The following MDM2 variants were observed in gnomAD, a reference collection of about 807,000 sequenced individuals.
MDM2 encodes E3 ubiquitin-protein ligase Mdm2.
MDM2 carries 11 observed loss-of-function variants against 64.3 expected under a neutral mutation model. The ratio of observed to expected loss-of-function variants is 0.17; its 90% CI spans 0.11 to 0.28. The LOEUF (loss-of-function observed/expected upper bound fraction) is 0.28. Among genes scored for constraint, MDM2 ranks in the 10% least tolerant of loss-of-function variants. MDM2 has a pLI of 1.00. For missense variants in MDM2, 388 were observed against 577.1 expected (o/e 0.67, Z 3.36); for synonymous variants, 194 against 192.9 (o/e 1.01, Z -0.05).
Position 68,840,078 on chromosome 12 carries a change from C to A in MDM2, c.*229C>A. 1 of 468,766 alleles carries A rather than the reference C, an allele frequency of 2.1e-6. No homozygotes were observed. The highest frequency in any genetic ancestry group is 3.7e-6 in the Non-Finnish European group (1 of 268,610). The allele number at this position is 468,766 out of a possible 1,614,324, so 29.0% of individuals were successfully genotyped here. ...ACCAACTCCTAATTTTAAATAATTT[C>A]TACTCTGTCTTAAATGAGAAGTACT... is the stretch of plus-strand genomic sequence containing the variant. On this transcript the variant is annotated 3_prime_UTR_variant, in exon 11 of 11. Transcript: ENST00000258149.
intron 7 of MDM2, among the ~76,000 whole-genome samples, chr12:68,825,761 G>T (rs145420485): frequency 8.9e-4 from 135 of 152,328 alleles, no homozygotes; most frequent in African/African-American, 3.1e-3. Flanking sequence ...AACTAAGACC[G>T]TATGATTCAG....
intron 8 of MDM2, among the ~76,000 whole-genome samples, chr12:68,831,496 G>C (rs575386269): frequency 1.3e-5 from 2 of 152,310 alleles, no homozygotes; most frequent in East Asian, 3.9e-4. Flanking sequence ...CGGCCATGCT[G>C]TTAGGTACCT....
chr12:68,839,467 C>T lies in MDM2; in HGVS notation c.1112C>T (p.Thr371Ile), dbSNP rs1407906280. 9 of 1,613,722 alleles carry T rather than the reference C, an allele frequency of 5.6e-6. No homozygotes were observed. Among genetic ancestry groups the T allele is most frequent in the Non-Finnish European group, 7.6e-6 (9 of 1,180,010 alleles). The change falls in exon 11 of 11, where the codon ACT becomes ATT. Residue 371 changes from threonine to isoleucine, a missense_variant. By Grantham distance (89) the Thr-to-Ile change is moderately conservative (BLOSUM62 -1). Transcript: ENST00000258149. Reference sequence around the variant, plus strand: ...TTTGATGTTCCTGATTGTAAAAAAACTATAGTGAATGATTCCAGAGAGTCA... The same window carrying T: ...TTTGATGTTCCTGATTGTAAAAAAATTATAGTGAATGATTCCAGAGAGTCA... ...EGFDVPDCKKTIVNDSRESCV... is the reference protein window; with the variant it reads ...EGFDVPDCKKIIVNDSRESCV...
In MDM2 at chr12:68,840,835, CTTTTTTTT is replaced by C. The variant is rs60051373; in HGVS notation, c.*1006_*1013del. 186 of 73,946 alleles carry C rather than the reference CTTTTTTTT, an allele frequency of 2.5e-3. 4 individuals carry two copies. The South Asian group carries it at 0.031, about 12-fold the overall frequency. 4.6% of individuals were successfully genotyped at this position (73,946 alleles called of 1,614,324 possible). On this transcript the variant is annotated 3_prime_UTR_variant, in exon 11 of 11. Transcript: ENST00000258149. ...AATTAGTATTTAAATTTTAGATACT[CTTTTTTTT>C]TTTTTTTTTTTTTTTTTTTGAGACA...
Position 68,843,713 on chromosome 12 carries a change from CTCTG to C in MDM2, c.*3872_*3875del, listed in dbSNP as rs1003322227. ...TTGCTTCAAAACTCTCTCTCTCTCT[CTCTG>C]TCTGTCTCAATAAATGGCCAAAGGG... On this transcript the variant is annotated 3_prime_UTR_variant, in exon 11 of 11. Coordinates refer to ENST00000258149, the MANE Select transcript of MDM2 (RefSeq NM_002392.6). 2 of 222,060 alleles carry C rather than the reference CTCTG, an allele frequency of 9.0e-6. No homozygotes were observed. Among genetic ancestry groups the C allele is most frequent in the Admixed American group, 5.8e-5 (1 of 17,382 alleles). The allele number at this position is 222,060 out of a possible 1,614,324, so 13.8% of individuals were successfully genotyped here.
At chr12:68,831,006 T>A (rs1200956936) in intron 8 of MDM2, among the ~76,000 whole-genome samples, 10 of 152,132 alleles carry the variant, frequency 6.6e-5, no homozygotes, top group African/African-American at 2.4e-4. Flanking sequence ...GGACCCCTAT[T>A]TAATGTATAG....
At position 68,840,872 on chromosome 12, in the gene MDM2, T is replaced by G. The variant is rs1883715709; in HGVS notation, c.*1023T>G. 1 of 141,226 alleles carries G rather than the reference T, an allele frequency of 7.1e-6. No homozygotes were observed. The highest frequency in any genetic ancestry group is 1.4e-5 in the Non-Finnish European group (1 of 70,484). 8.7% of individuals were successfully genotyped at this position (141,226 alleles called of 1,614,324 possible). On this transcript the variant is annotated 3_prime_UTR_variant, in exon 11 of 11. Coordinates refer to ENST00000258149, the MANE Select transcript of MDM2 (RefSeq NM_002392.6). ...TTTTTTTTTTTTTTTTGAGACAGAG[T>G]CTTGCTCCATCACCCATGCTAGAGT...
chr12:68,836,024 T>C (rs535744210), intron 9 of MDM2, 40 bp downstream of exon 9: 4 of 1,481,504 alleles, frequency 2.7e-6, no homozygotes, highest in Non-Finnish European at 3.7e-6. Flanking sequence ...TGGAAAATTA[T>C]TAAATATTTT....
intron 2 of MDM2, among the ~76,000 whole-genome samples, chr12:68,812,881 T>C (rs1338951067): frequency 1.3e-5 from 2 of 152,188 alleles, no homozygotes. Flanking sequence ...TCTGGCTCTT[T>C]ACAGAAAAAA....
intron 10 of MDM2, among the ~76,000 whole-genome samples, chr12:68,838,180 C>T (rs909254632): frequency 6.6e-5 from 10 of 152,170 alleles, no homozygotes; most frequent in African/African-American, 2.4e-4. Context: ...ATCTTTATTG[C>T]TCCTGTCTTA....
intron 3 of MDM2, 142 bp from the exon 4 acceptor site, chr12:68,816,670 A>G (rs1881414202): frequency 2.8e-6 from 2 of 723,396 alleles, no homozygotes; most frequent in Non-Finnish European, 4.2e-6. Flanking sequence ...AGTAGCTTCT[A>G]AGTACAAAAT....
chr12:68,812,875 G>GCT (rs1949103095), intron 2 of MDM2, among the ~76,000 whole-genome samples: 1 of 151,940 alleles, frequency 6.6e-6, no homozygotes, highest in African/African-American at 2.4e-5. Flanking sequence ...TTACAGTCTG[G>GCT]CTCTTTACAG....
chr12:68,823,441 C>T (rs1051697891), intron 5 of MDM2, among the ~76,000 whole-genome samples: 1 of 152,168 alleles, frequency 6.6e-6, no homozygotes, highest in African/African-American at 2.4e-5. Context: ...TGGTACCACT[C>T]ATTTATTCAC....
At chr12:68,808,524 G>C in intron 1 of MDM2, 33 bp downstream of exon 1, 1 of 1,613,916 alleles carries the variant, frequency 6.2e-7, no homozygotes, top group Non-Finnish European at 8.5e-7. Context: ...TCACTTTTGG[G>C]TCTGGGCTCT....
At chr12:68,830,637 T>G (rs1248576389) in intron 8 of MDM2, among the ~76,000 whole-genome samples, 1 of 152,134 alleles carries the variant, frequency 6.6e-6, no homozygotes, top group Non-Finnish European at 1.5e-5. Context: ...TGTGATAAAA[T>G]TGAATCCAAT....
At chr12:68,822,964 C>G (rs1453650339) in intron 5 of MDM2, among the ~76,000 whole-genome samples, 1 of 152,164 alleles carries the variant, frequency 6.6e-6, no homozygotes, top group Non-Finnish European at 1.5e-5. Flanking sequence ...TGGTCTCAAA[C>G]TCCTGACCTC....
In MDM2 at chr12:68,835,856, T is replaced by G. The variant is rs751419968; in HGVS notation, c.712T>G (p.Ser238Ala). 6.2e-7 allele frequency: 1 copy of G among 1,613,010 alleles called. No homozygotes were observed. The highest frequency in any genetic ancestry group is 2.2e-5 in the East Asian group (1 of 44,846). ...PDLDAGVSEHSGDWLDQDSVS... is the reference protein window; with the variant it reads ...PDLDAGVSEHAGDWLDQDSVS... ...TCTTGATGCTGGTGTAAGTGAACAT[T>G]CAGGTGATTGGTTGGATCAGGATTC... is the stretch of plus-strand genomic sequence containing the variant. The change falls in exon 9 of 11, where the codon TCA becomes GCA. Residue 238 changes from serine (S) to alanine (A), a missense_variant. By Grantham distance (99) the Ser-to-Ala change is moderately conservative. This residue lies in a region of MDM2 where 168 missense variants were observed against 236.6 expected (regional missense o/e 0.71). Coordinates refer to ENST00000258149, the MANE Select transcript of MDM2 (RefSeq NM_002392.6).
In MDM2 at chr12:68,839,962, A is replaced by G. The variant is rs76738734; in HGVS notation, c.*113A>G. 9.2e-5 allele frequency: 88 copies of G among 960,530 alleles called. 1 individual carries two copies. In the East Asian group the frequency reaches 2.3e-3, roughly 25 times the overall value. The allele number at this position is 960,530 out of a possible 1,614,324, so 59.5% of individuals were successfully genotyped here. On this transcript the variant is annotated 3_prime_UTR_variant, in exon 11 of 11. Transcript: ENST00000258149. ...TGAGAAAATGCCTCAATTCACATAG[A>G]TTTCTTCTCTTTAGTATAATTGACC...
rs138572387 is a variant in MDM2 at position 68,826,727 on chromosome 12, A to G, written c.524-2044A>G. On this transcript the variant is annotated intron_variant, in intron 7 of 10. Coordinates refer to ENST00000258149, the MANE Select transcript of MDM2 (RefSeq NM_002392.6). ...CTAGTAACTCCATTTCTAGTAATCT[A>G]TCCTAAGGATGTAATAAAAAATTCA... Among the ~76,000 whole-genome samples, 458 of 152,210 alleles carry G rather than the reference A, an allele frequency of 3.0e-3. 2 individuals are homozygous for G. The highest frequency in any genetic ancestry group is 0.01 in the African/African-American group (420 of 41,534).
Sources: allele counts gnomAD v4.1 joint callset (sites outside exome capture counted in the v4.1 genomes callset), GRCh38; gene constraint gnomAD v4.1.1; regional missense constraint gnomAD v4.1.1; transcripts MANE v1.5; gene names NCBI Gene and HGNC (gene_info 2026-07-23, HGNC 2026-07-21).